EPHA6: variants seen among roughly 807,000 people sequenced by gnomAD.
EPHA6 encodes EPH receptor A6.
In EPHA6, 50 loss-of-function variants were observed where a neutral mutation model predicts 112.0. That is an observed-to-expected ratio of 0.45 (90% confidence interval 0.36 to 0.56). EPHA6 has a LOEUF of 0.56. Among genes scored for constraint, EPHA6 ranks in the 20% least tolerant of loss-of-function variants. The pLI, the probability that EPHA6 is intolerant of heterozygous loss-of-function variation, is 0.00. For missense variants in EPHA6, 1,280 were observed against 1,417.4 expected (o/e 0.90, Z 1.56); for synonymous variants, 529 against 490.7 (o/e 1.08, Z -1.03).
At chr3:97,138,377 C>G (rs1235961166) in intron 3 of EPHA6, among the ~76,000 whole-genome samples, 6 of 152,126 alleles carry the variant, frequency 3.9e-5, no homozygotes, top group Admixed American at 6.5e-5. Context: ...GAGCAGGGGT[C>G]CAACACTCTC....
At position 96,987,786 on chromosome 3, in the gene EPHA6, T is replaced by C. The variant is rs1261732996; in HGVS notation, c.907T>C (p.Phe303Leu). 1 of 1,614,042 alleles carries C rather than the reference T, an allele frequency of 6.2e-7. No individual in the cohort carries two copies. Among genetic ancestry groups the C allele is most frequent in the African/African-American group, 1.3e-5 (1 of 75,048 alleles). The change falls in exon 3 of 18, where the codon TTC (phenylalanine) becomes CTC (leucine). Residue 303 changes from phenylalanine to leucine, a missense_variant. Physicochemically the swap from Phe to Leu is conservative, Grantham distance 22. This residue lies in a region of EPHA6 where 878 missense variants were observed against 999.7 expected (regional missense o/e 0.88). Transcript: ENST00000389672. ...CCGTGTTTTCTACAAGAAATGCCCC[T>C]TCACTGTTCGTAACTTGGCCATGTT... ...SVRVFYKKCP[F>L]TVRNLAMFPD... is the part of the protein sequence containing the mutation.
chr3:97,628,825 A>T (rs753332451), intron 13 of EPHA6, among the ~76,000 whole-genome samples: 45 of 152,038 alleles, frequency 3.0e-4, no homozygotes, highest in Non-Finnish European at 5.3e-4. Flanking sequence ...AATTGTGTGC[A>T]TGTGGTTATA....
At chr3:96,962,853 A>C (rs1329269949) in intron 2 of EPHA6, among the ~76,000 whole-genome samples, 1 of 152,038 alleles carries the variant, frequency 6.6e-6, no homozygotes, top group Non-Finnish European at 1.5e-5. Flanking sequence ...GAGAAAAACA[A>C]ATGAAAAGGA....
chr3:97,177,694 A>G (rs2076875098), intron 3 of EPHA6, among the ~76,000 whole-genome samples: 1 of 151,858 alleles, frequency 6.6e-6, no homozygotes, highest in Non-Finnish European at 1.5e-5. Flanking sequence ...CCCCTTTATC[A>G]TCATATAGGG....
chr3:97,667,006 C>T (rs1475037234), intron 14 of EPHA6, among the ~76,000 whole-genome samples: 1 of 152,194 alleles, frequency 6.6e-6, no homozygotes, highest in Non-Finnish European at 1.5e-5. Context: ...ACTTTCTCAT[C>T]TACCTCTTTT....
At chr3:96,912,736 T>G (rs542970361) in intron 2 of EPHA6, among the ~76,000 whole-genome samples, 3 of 152,048 alleles carry the variant, frequency 2.0e-5, no homozygotes, top group Non-Finnish European at 4.4e-5. Flanking sequence ...TACAGGTGTG[T>G]GCCACCATGC....
chr3:97,605,223 G>T (rs1031394334), intron 12 of EPHA6, among the ~76,000 whole-genome samples: 6 of 151,372 alleles, frequency 4.0e-5, no homozygotes, highest in Non-Finnish European at 8.9e-5. Context: ...GAGATAACAA[G>T]AAGGCAGTCT....
At chr3:97,095,499 C>G (rs2047209501) in intron 3 of EPHA6, among the ~76,000 whole-genome samples, 1 of 151,946 alleles carries the variant, frequency 6.6e-6, no homozygotes, top group East Asian at 1.9e-4. Context: ...TACCCCCCAC[C>G]TTCCTTTTCA....
intron 3 of EPHA6, among the ~76,000 whole-genome samples, chr3:97,092,400 C>T (rs542085012): frequency 6.6e-6 from 1 of 151,952 alleles, no homozygotes; most frequent in Non-Finnish European, 1.5e-5. Flanking sequence ...GATACCCCTC[C>T]CTAAACTCCA....
chr3:96,927,337 TG>T (rs1034264851), intron 2 of EPHA6, among the ~76,000 whole-genome samples: 3 of 152,236 alleles, frequency 2.0e-5, no homozygotes, highest in African/African-American at 7.2e-5. Flanking sequence ...TGAAGGTCTC[TG>T]GCATGCCCTG....
chr3:97,141,438 CA>C (rs1213449312), intron 3 of EPHA6, among the ~76,000 whole-genome samples: 1 of 151,848 alleles, frequency 6.6e-6, no homozygotes, highest in East Asian at 1.9e-4. Flanking sequence ...AGTCATAAAG[CA>C]AGCCTCAATA....
intron 3 of EPHA6, among the ~76,000 whole-genome samples, chr3:97,023,408 A>G (rs375001096): frequency 1.3e-5 from 2 of 152,124 alleles, no homozygotes; most frequent in Admixed American, 1.3e-4. Context: ...CTCTTTTTCA[A>G]ATTTGAAATT....
chr3:96,830,861 G>A (rs1358477907), intron 1 of EPHA6, among the ~76,000 whole-genome samples: 1 of 151,956 alleles, frequency 6.6e-6, no homozygotes, highest in Non-Finnish European at 1.5e-5. Context: ...GTACAGCATG[G>A]TGAGCATAGT....
chr3:96,943,934 A>G (rs2041115854), intron 2 of EPHA6, among the ~76,000 whole-genome samples: 1 of 152,246 alleles, frequency 6.6e-6, no homozygotes. Flanking sequence ...TTTGCAATTT[A>G]TGATATATAT....
intron 8 of EPHA6, among the ~76,000 whole-genome samples, chr3:97,478,684 T>C (rs547283446): frequency 7.2e-5 from 11 of 152,260 alleles, no homozygotes; most frequent in African/African-American, 2.6e-4. Context: ...TCTGAATAAA[T>C]GCTCAACTTG....
chr3:97,552,424 T>C (rs1318585843), intron 11 of EPHA6, among the ~76,000 whole-genome samples: 4 of 152,106 alleles, frequency 2.6e-5, no homozygotes, highest in Admixed American at 2.0e-4. Flanking sequence ...GGCAGGGAAG[T>C]TGGCCTGAAG....
chr3:97,288,924 A>ATTTTTTTTTTTTTTTTTTTT (rs374397667), intron 5 of EPHA6, among the ~76,000 whole-genome samples: 1 of 111,286 alleles, frequency 9.0e-6, no homozygotes, highest in African/African-American at 3.5e-5. Flanking sequence ...TTTAATGGGG[A>ATTTTTTTTTTTTTTTTTTTT]TTTTTTTTTT....
intron 3 of EPHA6, among the ~76,000 whole-genome samples, chr3:97,152,519 G>A (rs2108378913): frequency 6.6e-6 from 1 of 151,536 alleles, no homozygotes; most frequent in Non-Finnish European, 1.5e-5. Flanking sequence ...GAAATGCATA[G>A]AGGAGCAAAA....
At chr3:97,214,561 T>C (rs1375466987) in intron 3 of EPHA6, among the ~76,000 whole-genome samples, 5 of 151,912 alleles carry the variant, frequency 3.3e-5, no homozygotes, top group East Asian at 1.9e-4. Context: ...TTAATATATA[T>C]CTTTCTCTAA....
Sources: gnomAD v4.1 joint callset for allele counts (sites outside exome capture counted in the v4.1 genomes callset) on GRCh38, gnomAD v4.1.1 for gene constraint, gnomAD v4.1.1 regional missense constraint, MANE v1.5 for transcripts, NCBI Gene and HGNC (gene_info 2026-07-23, HGNC 2026-07-21) for gene names.